PKM: variants seen among roughly 807,000 people sequenced by gnomAD.
PKM encodes pyruvate kinase PKM.
Under a neutral mutation model 49.8 loss-of-function variants are expected in PKM, and 18 were observed. The ratio of observed to expected loss-of-function variants is 0.36; its 90% CI spans 0.25 to 0.54. PKM has a LOEUF of 0.54. PKM is among the 20% of genes least tolerant of loss of function. The pLI is 0.89. For missense variants in PKM, 508 were observed against 713.8 expected (o/e 0.71, Z 3.28); for synonymous variants, 239 against 261.8 (o/e 0.91, Z 0.84).
Position 72,200,720 on chromosome 15 carries a change from GCGTTCAAACAGCTCAC to G in PKM, c.1308-81_1308-66del. On this transcript the variant is annotated intron_variant, in intron 9 of 10. Transcript: ENST00000335181. This position sits in a 1 kb window ranked among gnomAD's most constrained non-coding sequence, Gnocchi z 4.6. ...CGAGGCCCCAGGAAGTACCCTCAGG[GCGTTCAAACAGCTCAC>G]CCTCTCATCCAGCTCACTGAGGGCT... The G allele has an allele frequency of 7.1e-7, 1 of 1,402,472 alleles. No individual in the cohort carries two copies. The highest frequency in any genetic ancestry group is 9.9e-7 in the Non-Finnish European group (1 of 1,006,386). 86.9% of individuals were successfully genotyped at this position (1,402,472 alleles called of 1,614,324 possible).
intron 1 of PKM, among the ~76,000 whole-genome samples, chr15:72,223,223 G>A (rs2082573693): frequency 6.6e-6 from 1 of 151,878 alleles, no homozygotes; most frequent in Non-Finnish European, 1.5e-5. Context: ...GGGTTGTGCT[G>A]GGAAAGATTC....
chr15:72,204,301 C>A (rs887020112), intron 8 of PKM: 1 of 152,248 alleles, frequency 6.6e-6, no homozygotes, highest in African/African-American at 2.4e-5. Context: ...CCTGGAGGGG[C>A]AGCTACAGCC....
chr15:72,217,043 C>T (rs2959908), intron 3 of PKM, among the ~76,000 whole-genome samples: 152,161 of 152,354 alleles, frequency 1, 75,985 homozygotes, highest in Non-Finnish European at 1. Context: ...ACCATGGCAA[C>T]ACAAGGTGAA....
At chr15:72,230,878 G>A (rs2082844779) in intron 1 of PKM, 2 of 1,264,502 alleles carry the variant, frequency 1.6e-6, no homozygotes, top group Non-Finnish European at 2.1e-6. Context: ...GGCTGGGGCG[G>A]GAAAGGAGCC....
chr15:72,204,361 C>T (rs2082019460), intron 8 of PKM: 2 of 152,248 alleles, frequency 1.3e-5, no homozygotes, highest in South Asian at 4.1e-4. Flanking sequence ...CAATCCAAAC[C>T]TTGCAGCCCT....
At position 72,199,105 on chromosome 15, in the gene PKM, A is replaced by G. The variant is rs2081861704; in HGVS notation, c.*545T>C. 3.6e-6 allele frequency: 1 copy of G among 280,404 alleles called. No individual in the cohort carries two copies. The highest frequency in any genetic ancestry group is 7.1e-6 in the Non-Finnish European group (1 of 141,828). 17.4% of individuals were successfully genotyped at this position (280,404 alleles called of 1,614,324 possible). On this transcript the variant is annotated 3_prime_UTR_variant, in exon 11 of 11. Transcript: ENST00000335181. ...CCTGGAGGTGCTGCAGTAGTGGGGG[A>G]AAATGGAAGGTGGAGGGTGGAGTGT...
chr15:72,200,458 T>G lies in PKM; in HGVS notation c.1489+16A>C, dbSNP rs370764535. 5.2e-5 allele frequency: 84 copies of G among 1,611,110 alleles called. No individual in the cohort carries two copies. Among genetic ancestry groups the G allele is most frequent in the Non-Finnish European group, 7.1e-5 (84 of 1,178,774 alleles). On this transcript the variant is annotated intron_variant, in intron 10 of 10. Coordinates refer to ENST00000335181, the MANE Select transcript of PKM (RefSeq NM_002654.6). This position sits in a 1 kb window ranked among gnomAD's most constrained non-coding sequence, Gnocchi z 4.6. The stretch of plus-strand genomic sequence containing the variant: ...CCAAGCTCCTCTAGGCTCTAGCCCC[T>G]GCTCCAGCCACGTACCAACATTCAT...
At position 72,209,826 on chromosome 15, in the gene PKM, C is replaced by G. The variant is rs1427307757; in HGVS notation, c.412G>C (p.Ala138Pro). 1.2e-6 allele frequency: 2 copies of G among 1,614,112 alleles called. No individual in the cohort carries two copies. Among genetic ancestry groups the G allele is most frequent in the Non-Finnish European group, 1.7e-6 (2 of 1,180,020 alleles). ...TTATCCAGCGTGATTTTGAGAGTGG[C>G]TCCCTTCTTCAGCTCCACCTCTGCA... is the stretch of plus-strand genomic sequence containing the variant. ...GTAEVELKKG[A>P]TLKITLDNAY... The change falls in exon 5 of 11, where the codon GCC becomes CCC. Residue 138 changes from alanine to proline, a missense_variant. Transcript: ENST00000335181.
At chr15:72,205,645 T>C (rs79686463) in intron 8 of PKM, among the ~76,000 whole-genome samples, 1 of 88,572 alleles carries the variant, frequency 1.1e-5, no homozygotes, top group Non-Finnish European at 2.5e-5. Flanking sequence ...TTTTTTTTTT[T>C]TCTGTTTTTT....
At chr15:72,201,742 C>G (rs1161902540) in intron 9 of PKM, 1 of 153,928 alleles carries the variant, frequency 6.5e-6, no homozygotes, top group Non-Finnish European at 1.4e-5. Context: ...GCTGCCCACG[C>G]CCATCTGCTG....
intron 1 of PKM, among the ~76,000 whole-genome samples, chr15:72,225,800 A>G (rs1211620137): frequency 6.6e-6 from 1 of 152,176 alleles, no homozygotes; most frequent in Non-Finnish European, 1.5e-5. Flanking sequence ...AGTTTCTTCT[A>G]TTAATCAATA....
intron 1 of PKM, chr15:72,221,114 T>C: frequency 1.0e-6 from 1 of 983,180 alleles, no homozygotes; most frequent in Non-Finnish European, 1.6e-6. Flanking sequence ...AGACCTGAGA[T>C]ATGAGGGTCT....
At chr15:72,227,744 CAAAAAAAAAAAA>C (rs34876633) in intron 1 of PKM, among the ~76,000 whole-genome samples, 3 of 10,796 alleles carry the variant, frequency 2.8e-4, no homozygotes, top group East Asian at 6.1e-3. Context: ...AAAACTATCT[CAAAAAAAAAAAA>C]AAAAAAAAAA....
intron 3 of PKM, 61 bp downstream of exon 3, chr15:72,217,348 G>T: frequency 1.0e-6 from 1 of 994,830 alleles, no homozygotes; most frequent in Non-Finnish European, 1.6e-6. Flanking sequence ...AACGAACACT[G>T]CACCCCCTCC....
In PKM at chr15:72,202,948, G is replaced by A; in HGVS notation, c.1141-328C>T. 1 of 1,474,048 alleles carries A rather than the reference G, an allele frequency of 6.8e-7. No homozygotes were observed. Among genetic ancestry groups the A allele is most frequent in the Non-Finnish European group, 9.4e-7 (1 of 1,058,978 alleles). 91.3% of individuals were successfully genotyped at this position (1,474,048 alleles called of 1,614,324 possible). On this transcript the variant is annotated intron_variant, in intron 8 of 10. Transcript: ENST00000335181. This position sits in a 1 kb window ranked among gnomAD's most constrained non-coding sequence, Gnocchi z 4.5. Reference sequence around the variant, plus strand: ...TGTGCCCAGATGCCAGGTTGGGCCTGGCTGTCTTCTCCTAGAGCAGGTGGA... The same window carrying A: ...TGTGCCCAGATGCCAGGTTGGGCCTAGCTGTCTTCTCCTAGAGCAGGTGGA...
At chr15:72,210,618 C>T (rs1688171495) in intron 3 of PKM, 140 bp from the exon 4 acceptor site, 2 of 927,498 alleles carry the variant, frequency 2.2e-6, no homozygotes, top group Non-Finnish European at 3.4e-6. Context: ...CAGCACGATC[C>T]ATGCACTGAG....
intron 1 of PKM, among the ~76,000 whole-genome samples, chr15:72,225,537 A>G (rs2082644994): frequency 6.6e-6 from 1 of 152,156 alleles, no homozygotes; most frequent in African/African-American, 2.4e-5. Flanking sequence ...CTTCCAGTTC[A>G]CTGAAGTCTA....
chr15:72,225,789 A>G (rs1234684845), intron 1 of PKM, among the ~76,000 whole-genome samples: 1 of 152,152 alleles, frequency 6.6e-6, no homozygotes, highest in East Asian at 1.9e-4. Context: ...CCGTTAAACT[A>G]AGTTTCTTCT....
intron 8 of PKM, chr15:72,206,489 G>A (rs1438036162): frequency 1.8e-6 from 1 of 566,204 alleles, no homozygotes; most frequent in Non-Finnish European, 3.2e-6. Context: ...TCCAATGAAG[G>A]AGGATGCCTC....
Sources: gnomAD v4.1 joint callset for allele counts (sites outside exome capture counted in the v4.1 genomes callset) on GRCh38, gnomAD v4.1.1 for gene constraint, Gnocchi (gnomAD v3.1) non-coding constraint, MANE v1.5 for transcripts, NCBI Gene and HGNC (gene_info 2026-07-23, HGNC 2026-07-21) for gene names.